AKAP6: variants seen among roughly 807,000 people sequenced by gnomAD.
AKAP6 encodes A-kinase anchoring protein 6, also known as A-kinase anchor protein 6.
A neutral mutation model predicts 188.5 loss-of-function variants in AKAP6; 58 were observed. The ratio of observed to expected loss-of-function variants is 0.31; its 90% CI spans 0.25 to 0.38. The LOEUF is 0.38. Ranked by LOEUF, AKAP6 falls within the 10% of genes least tolerant of loss-of-function variation. The pLI is 1.00. For synonymous variants in AKAP6, 989 were observed against 998.6 expected (o/e 0.99, Z 0.18); for missense variants, 2,710 against 2,740.0 (o/e 0.99, Z 0.24).
rs1217466199 is a variant in AKAP6, at chr14:32,831,294, C to T, written c.*1489C>T. On this transcript the variant is annotated 3_prime_UTR_variant, in exon 14 of 14. Transcript: ENST00000280979. ...ATGCAGTTTTAAATTTATATCGTAA[C>T]ACCTACTTAAGTGCCTGACACAGTA... 6.6e-6 allele frequency: 1 copy of T among 152,146 alleles called. No individual in the cohort carries two copies. The highest frequency in any genetic ancestry group is 6.5e-5 in the Admixed American group (1 of 15,278). 9.4% of individuals were successfully genotyped at this position (152,146 alleles called of 1,614,324 possible). A position where few individuals can be genotyped will look rare whatever the true frequency, so the allele number is the denominator to read the frequency against.
intron 7 of AKAP6, among the ~76,000 whole-genome samples, chr14:32,616,145 G>T (rs1466335547): frequency 6.6e-6 from 1 of 152,188 alleles, no homozygotes; most frequent in Non-Finnish European, 1.5e-5. Context: ...TACTTATACA[G>T]TGTTGGTGGG....
At chr14:32,513,568 T>C (rs1881364278) in intron 2 of AKAP6, among the ~76,000 whole-genome samples, 1 of 152,228 alleles carries the variant, frequency 6.6e-6, no homozygotes, top group Admixed American at 6.5e-5. Flanking sequence ...CCTGCTTTGA[T>C]ATTATACTTT....
chr14:32,630,616 A>G (rs1168634985), intron 7 of AKAP6, among the ~76,000 whole-genome samples: 2 of 152,086 alleles, frequency 1.3e-5, no homozygotes, highest in Non-Finnish European at 2.9e-5. Flanking sequence ...AACAGAAGTG[A>G]AATTATAACC....
At chr14:32,769,013 C>T (rs2032803756) in intron 11 of AKAP6, among the ~76,000 whole-genome samples, 1 of 133,962 alleles carries the variant, frequency 7.5e-6, no homozygotes, top group African/African-American at 2.8e-5. Context: ...AAACTTACAA[C>T]TAGGGGATGC....
At chr14:32,742,375 T>C (rs1289327438) in intron 11 of AKAP6, among the ~76,000 whole-genome samples, 3 of 151,994 alleles carry the variant, frequency 2.0e-5, no homozygotes, top group Non-Finnish European at 2.9e-5. Context: ...TTATTTCTGC[T>C]CTGATCTTCA....
rs59506546 is a variant in AKAP6, at chr14:32,780,157, C to CATATATAT, written c.3588+6271_3588+6278dup. Among the ~76,000 whole-genome samples the CATATATAT allele has an allele frequency of 1.8e-4, 21 of 119,396 alleles. 1 individual carries two copies. Among genetic ancestry groups the CATATATAT allele is most frequent in the Admixed American group, 1.3e-3 (16 of 12,324 alleles). 78.3% of individuals were successfully genotyped at this position (119,396 alleles called of 152,430 possible). On this transcript the variant is annotated intron_variant, in intron 12 of 13. Transcript: ENST00000280979. ...TGGAAAAAGAAATTGAAAAAAAAAA[C>CATATATAT]ATATATATATATATGCATGCTTATA...
intron 8 of AKAP6, among the ~76,000 whole-genome samples, chr14:32,681,544 A>G (rs1889677741): frequency 6.6e-6 from 1 of 152,218 alleles, no homozygotes; most frequent in East Asian, 1.9e-4. Context: ...TGAAATTTGA[A>G]CTAAGGTATC....
At chr14:32,599,885 C>A (rs936834029) in intron 6 of AKAP6, among the ~76,000 whole-genome samples, 2 of 152,162 alleles carry the variant, frequency 1.3e-5, no homozygotes, top group Non-Finnish European at 2.9e-5. Context: ...TTATAGATAT[C>A]ATTACAGATA....
At chr14:32,681,219 C>T (rs1043013260) in intron 8 of AKAP6, among the ~76,000 whole-genome samples, 2 of 152,092 alleles carry the variant, frequency 1.3e-5, no homozygotes, top group Non-Finnish European at 2.9e-5. Context: ...ATACCTTTTC[C>T]TATTGAGAGG....
chr14:32,609,880 GACACAC>G (rs71115085), intron 7 of AKAP6, among the ~76,000 whole-genome samples: 4,611 of 137,388 alleles, frequency 0.034, 215 homozygotes, highest in African/African-American at 0.1. Flanking sequence ...CTCTCTCTCT[GACACAC>G]ACACACACAC....
rs28444599 is a variant in AKAP6, at chr14:32,526,482, C to A, written c.325-9072C>A. 9.3e-3 allele frequency among the ~76,000 whole-genome samples: 1,424 copies of A among 152,300 alleles called. 26 individuals carry two copies. The highest frequency in any genetic ancestry group is 0.03 in the African/African-American group (1,256 of 41,568). ...TCATGAACTCAAGTGATCCGCCCAC[C>A]TTAGCCCCCACAAAGTGCTGGCATT... On this transcript the variant is annotated intron_variant, in intron 2 of 13. Transcript: ENST00000280979.
chr14:32,373,101 G>T (rs910161919), intron 1 of AKAP6, among the ~76,000 whole-genome samples: 1 of 151,428 alleles, frequency 6.6e-6, no homozygotes, highest in Non-Finnish European at 1.5e-5. Flanking sequence ...CTTTTTTGGG[G>T]GGGTGGGGTA....
In AKAP6 at chr14:32,444,574, G is replaced by A. The variant is rs150091789; in HGVS notation, c.324+10757G>A. ...CATTTTTCTTCATTATTTGAATAAG[G>A]AAGATTTGCCAAATATATCATTAAA... On this transcript the variant is annotated intron_variant, in intron 2 of 13. Coordinates refer to ENST00000280979, the MANE Select transcript of AKAP6 (RefSeq NM_004274.5). Among the ~76,000 whole-genome samples, 229 of 152,202 alleles carry A rather than the reference G, an allele frequency of 1.5e-3. 1 individual carries two copies. Among genetic ancestry groups the A allele is most frequent in the African/African-American group, 5.2e-3 (215 of 41,540 alleles).
chr14:32,362,941 C>T (rs1261211564), intron 1 of AKAP6, among the ~76,000 whole-genome samples: 2 of 152,076 alleles, frequency 1.3e-5, no homozygotes, highest in Non-Finnish European at 2.9e-5. Context: ...AGAGCCAGTA[C>T]TTCTGAGGTA....
At chr14:32,705,894 A>G (rs1279143) in intron 9 of AKAP6, among the ~76,000 whole-genome samples, 62,254 of 151,884 alleles carry the variant, frequency 0.41, 13,561 homozygotes, top group Middle Eastern at 0.59. Flanking sequence ...AGGGAGCTCT[A>G]GCGGGTCTCA....
At chr14:32,708,112 CAT>C (rs1166384348) in intron 9 of AKAP6, among the ~76,000 whole-genome samples, 8 of 152,158 alleles carry the variant, frequency 5.3e-5, no homozygotes, top group African/African-American at 1.4e-4. Context: ...GTGAAGGTAA[CAT>C]GTGCTGTGCA....
rs11156748 is a variant in AKAP6, at chr14:32,475,678, C to CTT, written c.324+41878_324+41879dup. Among the ~76,000 whole-genome samples the CTT allele has an allele frequency of 4.6e-3, 569 of 123,594 alleles. 9 individuals are homozygous for CTT. The highest frequency in any genetic ancestry group is 6.3e-3 in the Non-Finnish European group (385 of 60,986). 81.1% of individuals were successfully genotyped at this position (123,594 alleles called of 152,430 possible). Reference sequence around the variant, plus strand: ...CTGCAGACAGAAATCATTTTCAGCTCTTTTTTTTTTTTTTTTTTGAGACGG... The same window carrying CTT: ...CTGCAGACAGAAATCATTTTCAGCTCTTTTTTTTTTTTTTTTTTTTGAGACGG... On this transcript the variant is annotated intron_variant, in intron 2 of 13. Transcript: ENST00000280979.
At position 32,427,140 on chromosome 14, in the gene AKAP6, T is replaced by TC. The variant is rs1360041062; in HGVS notation, c.-34-6314dup. ...TGGGCTCCCCTATTGACGTGCTGTT[T>TC]CCCCCCTGGGGCACTTGCAGTCCTT... On this transcript the variant is annotated intron_variant, in intron 1 of 13. Coordinates refer to ENST00000280979, the MANE Select transcript of AKAP6 (RefSeq NM_004274.5). Among the ~76,000 whole-genome samples the TC allele has an allele frequency of 3.9e-5, 6 of 152,058 alleles. No homozygotes were observed. The East Asian group carries it at 1.2e-3, about 29-fold the overall frequency.
chr14:32,632,862 G>T (rs1887334046), intron 7 of AKAP6, among the ~76,000 whole-genome samples: 1 of 152,020 alleles, frequency 6.6e-6, no homozygotes, highest in Non-Finnish European at 1.5e-5. Context: ...TTGCATATTT[G>T]GGGGTAACTT....
Sources: allele counts gnomAD v4.1 joint callset (sites outside exome capture counted in the v4.1 genomes callset), GRCh38; gene constraint gnomAD v4.1.1; transcripts MANE v1.5; gene names NCBI Gene and HGNC (gene_info 2026-07-23, HGNC 2026-07-21).